The following ABCA3 variants were observed in gnomAD, a reference collection of about 807,000 sequenced individuals.
ABCA3 encodes ATP binding cassette subfamily A member 3, also known as phospholipid-transporting ATPase ABCA3.
ABCA3 carries 88 observed loss-of-function variants against 172.8 expected under a neutral mutation model. The ratio of observed to expected loss-of-function variants is 0.51; its 90% CI spans 0.43 to 0.61. ABCA3 has a LOEUF of 0.61. ABCA3 is among the 20% of genes least tolerant of loss of function. ABCA3 has a pLI of 0.00. For synonymous variants in ABCA3, 1,066 were observed against 983.8 expected (o/e 1.08, Z -1.56); for missense variants, 2,164 against 2,301.0 (o/e 0.94, Z 1.22).
intron 1 of ABCA3, chr16:2,332,618 T>C: frequency 6.3e-7 from 1 of 1,590,318 alleles, no homozygotes; most frequent in Non-Finnish European, 8.6e-7. Context: ...TACTGTAGCG[T>C]GGGCGGCTCA....
At chr16:2,319,907 T>G in intron 7 of ABCA3, 67 bp from the exon 8 acceptor site, 3 of 1,599,946 alleles carry the variant, frequency 1.9e-6, no homozygotes, top group Non-Finnish European at 2.6e-6. Flanking sequence ...GAGGGCCACG[T>G]GCATGGGGTC....
intron 5 of ABCA3, among the ~76,000 whole-genome samples, chr16:2,324,831 C>T (rs547171004): frequency 6.6e-6 from 1 of 152,258 alleles, no homozygotes; most frequent in South Asian, 2.1e-4. Flanking sequence ...CACCACCCAC[C>T]CTGCAGTGGG....
intron 11 of ABCA3, among the ~76,000 whole-genome samples, chr16:2,307,862 C>T (rs534311254): frequency 6.6e-6 from 1 of 152,254 alleles, no homozygotes; most frequent in Non-Finnish European, 1.5e-5. Flanking sequence ...GCCTCAGCCT[C>T]CCAAAGTGCT....
At chr16:2,290,404 G>C (rs1208138192) in intron 19 of ABCA3, among the ~76,000 whole-genome samples, 2 of 152,202 alleles carry the variant, frequency 1.3e-5, no homozygotes, top group Non-Finnish European at 2.9e-5. Context: ...CTTGAGACCA[G>C]GAGCTCAGAG....
At chr16:2,296,954 T>C (rs185602800) in intron 17 of ABCA3, among the ~76,000 whole-genome samples, 1 of 152,296 alleles carries the variant, frequency 6.6e-6, no homozygotes, top group African/African-American at 2.4e-5. Context: ...GTCAGAGGTC[T>C]GGGCCCAGAT....
At chr16:2,315,839 CTTTTTTTTTTT>C (rs536716259) in intron 10 of ABCA3, among the ~76,000 whole-genome samples, 10 of 104,848 alleles carry the variant, frequency 9.5e-5, no homozygotes, top group East Asian at 6.1e-4. Context: ...AATTTTTAAA[CTTTTTTTTTTT>C]TTTTTTTTTT....
rs371562078 is a variant in ABCA3, at chr16:2,326,055, T to A, written c.274A>T (p.Thr92Ser). The change falls in exon 5 of 33, where the codon ACC becomes TCC. Residue 92 changes from threonine to serine, a missense_variant. Thr to Ser is a moderately conservative substitution (Grantham distance 58). Transcript: ENST00000301732. Reference sequence around the variant, plus strand: ...GCCCTGCGCACTGTCTCAGTGACGGTCTTGGCAGCGTCACTGTGAGAAGGG... The same window carrying A: ...GCCCTGCGCACTGTCTCAGTGACGGACTTGGCAGCGTCACTGTGAGAAGGG... ...YIPSHSDAAK[T>S]VTETVRRALV... The A allele has an allele frequency of 6.2e-6, 10 of 1,613,704 alleles. No homozygotes were observed. In the Admixed American group the frequency reaches 6.7e-5, roughly 11 times the overall value.
chr16:2,314,578 T>C (rs933141856), intron 10 of ABCA3, among the ~76,000 whole-genome samples: 6 of 146,264 alleles, frequency 4.1e-5, no homozygotes, highest in Non-Finnish European at 8.9e-5. Flanking sequence ...GCCACAATGG[T>C]AATTTTTTTT....
rs141389365 is a variant in ABCA3, at chr16:2,299,463, T to A, written c.1681A>T (p.Ile561Phe). Residue 561 changes from isoleucine (I) to phenylalanine (F), a missense_variant, in exon 14 of 33, where the codon ATC (isoleucine) becomes TTC (phenylalanine). Around this residue, in one of 3 missense-constraint regions of ABCA3, gnomAD observed 1,343 missense variants for 1,369.6 expected, o/e 0.98. Coordinates refer to ENST00000301732, the MANE Select transcript of ABCA3 (RefSeq NM_001089.3). Reference protein sequence around the residue: ...DLNLNLYEGQITVLLGHNGAG... With the variant: ...DLNLNLYEGQFTVLLGHNGAG... ...CCGTTGTGGCCCAGCAGGACGGTGA[T>A]CTGTCCCTCGTACAGGTTGAGGTTC... is the stretch of plus-strand genomic sequence containing the variant. 8.6e-5 allele frequency: 138 copies of A among 1,613,758 alleles called. No individual in the cohort carries two copies. The highest frequency in any genetic ancestry group is 1.1e-4 in the Non-Finnish European group (127 of 1,179,978).
At chr16:2,292,868 T>C (rs963672714) in intron 18 of ABCA3, among the ~76,000 whole-genome samples, 3 of 151,714 alleles carry the variant, frequency 2.0e-5, no homozygotes, top group Non-Finnish European at 4.4e-5. Context: ...GGCAGGAGAA[T>C]TGCTTGAACC....
At chr16:2,319,944 CAG>C in intron 7 of ABCA3, 104 bp from the exon 8 acceptor site, 1 of 1,513,498 alleles carries the variant, frequency 6.6e-7, no homozygotes, top group Non-Finnish European at 9.0e-7. Flanking sequence ...CTTGGGGCAA[CAG>C]AGTGACTTCA....
chr16:2,289,490 C>T lies in ABCA3; in HGVS notation c.2644G>A (p.Asp882Asn), dbSNP rs145565697. 121 of 1,593,516 alleles carry T rather than the reference C, an allele frequency of 7.6e-5. 1 individual carries two copies. In the African/African-American group the frequency reaches 1.2e-3, roughly 16 times the overall value. ...SNLCGAMDPS[D>N]GIGALIEEER... The stretch of plus-strand genomic sequence containing the variant: ...TCCTCGATGAGGGCTCCAATGCCGT[C>T]GGAGGGGTCCATGGCCCCACAGAGG... The change falls in exon 20 of 33, where the codon GAC becomes AAC. Residue 882 changes from aspartate to asparagine, a missense_variant. Around this residue, in one of 3 missense-constraint regions of ABCA3, gnomAD observed 1,343 missense variants for 1,369.6 expected, o/e 0.98. Coordinates refer to ENST00000301732, the MANE Select transcript of ABCA3 (RefSeq NM_001089.3).
chr16:2,323,693 G>A lies in ABCA3; in HGVS notation c.448-5C>T. ...GAACCGTAGGTGATATTTCACCTGTGGAAACAAAGAGAAAACCAGCTGTTC... is the reference window on the plus strand; with the variant it reads ...GAACCGTAGGTGATATTTCACCTGTAGAAACAAAGAGAAAACCAGCTGTTC... On this transcript the variant is annotated splice_region_variant and splice_polypyrimidine_tract_variant and intron_variant, in intron 6 of 32. Transcript: ENST00000301732. 6.2e-7 allele frequency: 1 copy of A among 1,614,096 alleles called. No homozygotes were observed. The highest frequency in any genetic ancestry group is 8.5e-7 in the Non-Finnish European group (1 of 1,179,984).
At chr16:2,332,543 G>T in intron 1 of ABCA3, 1 of 1,069,400 alleles carries the variant, frequency 9.4e-7, no homozygotes, top group Non-Finnish European at 1.4e-6. Context: ...CCCTCCACAC[G>T]GACACGAATG....
intron 20 of ABCA3, 150 bp from the exon 21 acceptor site, chr16:2,288,479 C>T: frequency 1.0e-6 from 1 of 955,174 alleles, no homozygotes; most frequent in South Asian, 1.7e-5. Flanking sequence ...GTTGAAACGG[C>T]CGTGGGAGGA....
intron 4 of ABCA3, 52 bp from the exon 5 acceptor site, chr16:2,326,326 G>A (rs2093734348): frequency 6.2e-7 from 1 of 1,611,336 alleles, no homozygotes; most frequent in Non-Finnish European, 8.5e-7. Flanking sequence ...AGAAGCAGGG[G>A]CATGCAGACA....
chr16:2,301,763 G>A (rs895127141), intron 12 of ABCA3, among the ~76,000 whole-genome samples: 6 of 151,988 alleles, frequency 3.9e-5, no homozygotes, highest in African/African-American at 1.4e-4. Context: ...TAGGGAATCA[G>A]TTAAGTATAT....
Position 2,281,295 on chromosome 16 carries a change from G to C in ABCA3, c.4165-74C>G. The C allele has an allele frequency of 1.1e-5, 18 of 1,613,102 alleles. No individual in the cohort carries two copies. The highest frequency in any genetic ancestry group is 1.5e-5 in the Non-Finnish European group (18 of 1,179,810). ...GCAGAGCAGTCTGAGCCTCAGCGCC[G>C]AAAGCTTCCAGGGATGGGGTCGGAC... On this transcript the variant is annotated intron_variant, in intron 27 of 32. Coordinates refer to ENST00000301732, the MANE Select transcript of ABCA3 (RefSeq NM_001089.3). The surrounding 1 kb of genome is among the most constrained non-coding windows in gnomAD (Gnocchi z 4.7).
chr16:2,303,931 G>A (rs762009744), intron 12 of ABCA3, 38 bp downstream of exon 12: 6 of 1,612,608 alleles, frequency 3.7e-6, no homozygotes, highest in Admixed American at 1.7e-5. Flanking sequence ...TCTGCACTCA[G>A]AGAGGCGGCG....
Sources: gnomAD v4.1 joint callset for allele counts (sites outside exome capture counted in the v4.1 genomes callset) on GRCh38, gnomAD v4.1.1 for gene constraint, gnomAD v4.1.1 regional missense constraint, Gnocchi (gnomAD v3.1) non-coding constraint, MANE v1.5 for transcripts, NCBI Gene and HGNC (gene_info 2026-07-23, HGNC 2026-07-21) for gene names.